Variants in DOCK3 observed in about 807,000 individuals in gnomAD.
DOCK3 encodes the protein dedicator of cytokinesis 3.
In DOCK3, 60 loss-of-function variants were observed where a neutral mutation model predicts 265.6. The ratio of observed to expected loss-of-function variants is 0.23; its 90% confidence interval spans 0.18 to 0.28. The LOEUF (loss-of-function observed/expected upper bound fraction) is 0.28. DOCK3 is among the 10% of genes least tolerant of loss of function. The probability of loss-of-function intolerance (pLI) is 1.00; values close to 1 mark genes in which losing one functional copy is unlikely to be tolerated. For synonymous variants in DOCK3, 881 were observed against 938.0 expected, an observed-to-expected ratio of 0.94 and a Z score of 1.11; for missense variants, 1,981 against 2,594.3, an observed-to-expected ratio of 0.76 and a Z score of 5.14.
Position 51,225,599 on chromosome 3 carries a change from G to C in DOCK3, c.1253-50G>C. The stretch of plus-strand genomic sequence containing the variant: ...CTAGCCTAGTTCTCTGTGAAAATGG[G>C]GCAGTATGGCTTCTGGAGTCATAAG... On this transcript the variant is annotated intron_variant, in intron 14 of 52. Transcript: ENST00000266037. 3 of 1,574,014 alleles carry C rather than the reference G, an allele frequency of 1.9e-6. No homozygotes were observed. The South Asian group carries it at 3.6e-5, about 19-fold the overall frequency.
chr3:50,772,309 TG>T (rs2041325059), intron 1 of DOCK3, among the ~76,000 whole-genome samples: 1 of 152,076 alleles, frequency 6.6e-6, no homozygotes, highest in Admixed American at 6.6e-5. Context: ...GGGTAGTGGG[TG>T]GCTGGGTGAG....
At chr3:50,884,812 C>T (rs1489077538) in intron 3 of DOCK3, among the ~76,000 whole-genome samples, 2 of 151,888 alleles carry the variant, frequency 1.3e-5, no homozygotes. Flanking sequence ...TCCTCCCCGC[C>T]CCCCACAGTT....
chr3:51,249,287 G>A (rs1428178605), intron 22 of DOCK3, among the ~76,000 whole-genome samples: 2 of 138,128 alleles, frequency 1.4e-5, no homozygotes, highest in African/African-American at 2.7e-5. Context: ...GAAGTGAGGA[G>A]CCCCTCTGCC....
At chr3:50,887,125 TAAA>T (rs1421390522) in intron 3 of DOCK3, among the ~76,000 whole-genome samples, 2 of 151,332 alleles carry the variant, frequency 1.3e-5, no homozygotes, top group African/African-American at 2.4e-5. Flanking sequence ...GCAAGACTAA[TAAA>T]GAAGAAAAGA....
At chr3:50,708,994 G>A (rs887663723) in intron 1 of DOCK3, among the ~76,000 whole-genome samples, 10 of 152,108 alleles carry the variant, frequency 6.6e-5, no homozygotes, top group Admixed American at 1.3e-4. Flanking sequence ...TTCTGTTTTC[G>A]TTTTATTCGA....
chr3:50,740,821 A>T (rs2038970119), intron 1 of DOCK3, among the ~76,000 whole-genome samples: 1 of 152,120 alleles, frequency 6.6e-6, no homozygotes, highest in Admixed American at 6.6e-5. Flanking sequence ...TTTTTAAAGA[A>T]TTGTGTTAAA....
At position 51,253,707 on chromosome 3, in the gene DOCK3, A is replaced by C. The variant is rs535040645; in HGVS notation, c.2185-6449A>C. On this transcript the variant is annotated intron_variant, in intron 22 of 52. Coordinates refer to ENST00000266037, the MANE Select transcript of DOCK3 (RefSeq NM_004947.5). ...TCTGTAGTTCGTGGGATCGATGGCG[A>C]TATCACCTTTGTCATTTTTTATTGC... 3.3e-5 allele frequency among the ~76,000 whole-genome samples: 5 copies of C among 152,094 alleles called. No homozygotes were observed. In the South Asian group the frequency reaches 1.0e-3, roughly 32 times the overall value.
chr3:50,764,568 G>A (rs975244405), intron 1 of DOCK3, among the ~76,000 whole-genome samples: 1 of 152,162 alleles, frequency 6.6e-6, no homozygotes, highest in Non-Finnish European at 1.5e-5. Flanking sequence ...TGACTGTGTG[G>A]AATTATGCTG....
intron 29 of DOCK3, 63 bp from the exon 30 acceptor site, chr3:51,312,413 G>T: frequency 7.2e-7 from 1 of 1,391,830 alleles, no homozygotes; most frequent in Non-Finnish European, 1.0e-6. Context: ...CATGTATTTA[G>T]TAACGCTCCC....
At chr3:51,019,738 G>T (rs1339846004) in intron 5 of DOCK3, among the ~76,000 whole-genome samples, 1 of 151,522 alleles carries the variant, frequency 6.6e-6, no homozygotes, top group Non-Finnish European at 1.5e-5. Flanking sequence ...TTGGTTTTCT[G>T]TTTCTGCATT....
chr3:50,892,068 A>G (rs992074736), intron 4 of DOCK3, among the ~76,000 whole-genome samples: 19 of 152,148 alleles, frequency 1.2e-4, no homozygotes, highest in Non-Finnish European at 2.5e-4. Context: ...ATGGTCCACA[A>G]TAAGAATTCT....
intron 4 of DOCK3, among the ~76,000 whole-genome samples, chr3:50,903,968 A>C (rs1307773051): frequency 6.6e-6 from 1 of 151,850 alleles, no homozygotes; most frequent in Non-Finnish European, 1.5e-5. Flanking sequence ...CCTGTGTCCA[A>C]GTGTTCTCAT....
chr3:51,247,563 T>C (rs1337630886), intron 22 of DOCK3, among the ~76,000 whole-genome samples: 1 of 152,224 alleles, frequency 6.6e-6, no homozygotes, highest in African/African-American at 2.4e-5. Context: ...TTTTTGTCCT[T>C]TTCCACATGT....
Position 51,160,839 on chromosome 3 carries a change from G to C in DOCK3, c.1037+137G>C, listed in dbSNP as rs890435590. 3.4e-5 allele frequency: 35 copies of C among 1,018,160 alleles called. 1 individual carries two copies. Among genetic ancestry groups the C allele is most frequent in the Admixed American group, 2.3e-4 (7 of 30,530 alleles). The allele number at this position is 1,018,160 out of a possible 1,614,324, so 63.1% of individuals were successfully genotyped here. A position where few individuals can be genotyped will look rare whatever the true frequency, so the allele number is the denominator to read the frequency against. On this transcript the variant is annotated intron_variant, in intron 12 of 52. Transcript: ENST00000266037. The stretch of plus-strand genomic sequence containing the variant: ...CGCCTGTATTCCCAACACTTTGGGA[G>C]GCCAAGGTGGGCAAATCACAAGGTC...
chr3:50,925,635 C>T lies in DOCK3; in HGVS notation c.219-8346C>T, dbSNP rs933215584. On this transcript the variant is annotated intron_variant, in intron 4 of 52. Coordinates refer to ENST00000266037, the MANE Select transcript of DOCK3 (RefSeq NM_004947.5). The stretch of plus-strand genomic sequence containing the variant: ...CAGACAGGGTAGTCTTCTTTGTGTC[C>T]GAAGAAGAAACAGAAGGTTGGGGTT... 7.9e-5 allele frequency among the ~76,000 whole-genome samples: 12 copies of T among 151,782 alleles called. No individual in the cohort carries two copies. In the East Asian group the frequency reaches 9.7e-4, roughly 12 times the overall value.
intron 2 of DOCK3, among the ~76,000 whole-genome samples, chr3:50,819,982 C>G (rs913155380): frequency 6.6e-6 from 1 of 151,946 alleles, no homozygotes; most frequent in Non-Finnish European, 1.5e-5. Flanking sequence ...ACAACAACAA[C>G]AAAAAATGCC....
intron 9 of DOCK3, among the ~76,000 whole-genome samples, chr3:51,092,365 G>A (rs1446253790): frequency 6.6e-6 from 1 of 152,224 alleles, no homozygotes; most frequent in Non-Finnish European, 1.5e-5. Flanking sequence ...GCTTGAGTAG[G>A]TGGTTTTATG....
Position 51,333,077 on chromosome 3 carries a change from C to T in DOCK3, c.3515+50C>T, listed in dbSNP as rs762236520. On this transcript the variant is annotated intron_variant, in intron 34 of 52. Transcript: ENST00000266037. ...GCTGTCTCCAGATCCATCACAGCCT[C>T]CATGGGCTCTTGGACTTCACTCTTG... is the stretch of plus-strand genomic sequence containing the variant. The T allele has an allele frequency of 5.0e-6, 8 of 1,613,828 alleles. 1 individual carries two copies. Among genetic ancestry groups the T allele is most frequent in the Admixed American group, 1.7e-5 (1 of 59,986 alleles).
At chr3:51,336,766 C>A in intron 35 of DOCK3, 1 of 420,418 alleles carries the variant, frequency 2.4e-6, no homozygotes, top group Non-Finnish European at 4.8e-6. Context: ...AGTGTTGAGG[C>A]CAGTTCCTTT....
Sources: allele counts gnomAD v4.1 joint callset (sites outside exome capture counted in the v4.1 genomes callset), GRCh38; gene constraint gnomAD v4.1.1; transcripts MANE v1.5; gene names NCBI Gene and HGNC (gene_info 2026-07-23, HGNC 2026-07-21).